The following INPP5D variants were observed in gnomAD, a reference collection of about 807,000 sequenced individuals.
INPP5D encodes the protein inositol polyphosphate-5-phosphatase D, also known as phosphatidylinositol 3,4,5-trisphosphate 5-phosphatase 1.
In INPP5D, 33 loss-of-function variants were observed where a neutral mutation model predicts 122.9. The observed-to-expected ratio is 0.27, with a 90% CI of 0.20 to 0.36. The LOEUF is 0.36. INPP5D is among the 10% of genes least tolerant of loss of function. The pLI is 1.00. For synonymous variants in INPP5D, 584 were observed against 576.2 expected (o/e 1.01, Z -0.19); for missense variants, 1,053 against 1,412.7 (o/e 0.75, Z 4.08).
At chr2:233,101,992 A>G (rs1361629930) in intron 2 of INPP5D, among the ~76,000 whole-genome samples, 4 of 151,920 alleles carry the variant, frequency 2.6e-5, no homozygotes, top group African/African-American at 9.7e-5. Flanking sequence ...CAGGTGCTGC[A>G]TGATGACCGT....
At chr2:233,126,020 AC>A in intron 4 of INPP5D, 101 bp downstream of exon 4, 3 of 1,180,774 alleles carry the variant, frequency 2.5e-6, no homozygotes, top group Non-Finnish European at 3.6e-6. Flanking sequence ...GGGCCTGGTG[AC>A]CAGAGGGAGA....
chr2:233,106,577 C>T (rs1692475200), intron 2 of INPP5D, among the ~76,000 whole-genome samples: 1 of 152,262 alleles, frequency 6.6e-6, no homozygotes, highest in Non-Finnish European at 1.5e-5. Flanking sequence ...CAAAGCCCTG[C>T]AGCAGGGAAG....
At position 233,078,856 on chromosome 2, in the gene INPP5D, T is replaced by A. The variant is rs1691596443; in HGVS notation, c.135-479T>A. On this transcript the variant is annotated intron_variant, in intron 1 of 26. Coordinates refer to ENST00000445964, the MANE Select transcript of INPP5D (RefSeq NM_001017915.3). The surrounding 1 kb of genome is among the most constrained non-coding windows in gnomAD (Gnocchi z 4.6). ...CGCCACCACGCCCAGCTAATTTTTG[T>A]ATTTTTAGTAGAGATGGGATTTCAC... is the stretch of plus-strand genomic sequence containing the variant. Among the ~76,000 whole-genome samples, 1 of 152,064 alleles carries A rather than the reference T, an allele frequency of 6.6e-6. No homozygotes were observed.
rs13007032 is a variant in INPP5D at position 233,177,146 on chromosome 2, A to C, written c.1990-119A>C. The stretch of plus-strand genomic sequence containing the variant: ...AAAGCCACCTACAGGGAAATTCTAT[A>C]AAAAGCCAACAGCCGATGAATTTGA... On this transcript the variant is annotated intron_variant, in intron 17 of 26. Coordinates refer to ENST00000445964, the MANE Select transcript of INPP5D (RefSeq NM_001017915.3). The surrounding 1 kb of genome is among the most constrained non-coding windows in gnomAD (Gnocchi z 4.2). 142,760 of 1,382,482 alleles carry C rather than the reference A, an allele frequency of 0.1. 8,804 individuals carry two copies. The highest frequency in any genetic ancestry group is 0.12 in the Non-Finnish European group (122,988 of 1,018,072). 85.6% of individuals were successfully genotyped at this position (1,382,482 alleles called of 1,614,324 possible). A position where few individuals can be genotyped will look rare whatever the true frequency, so the allele number is the denominator to read the frequency against.
intron 2 of INPP5D, among the ~76,000 whole-genome samples, chr2:233,109,704 G>A (rs1191729353): frequency 6.6e-6 from 1 of 150,744 alleles, no homozygotes; most frequent in Non-Finnish European, 1.5e-5. Context: ...TCAGCCTCCC[G>A]AGTAGCTGGG....
intron 2 of INPP5D, among the ~76,000 whole-genome samples, chr2:233,110,526 C>T (rs1214539193): frequency 6.6e-6 from 1 of 152,140 alleles, no homozygotes; most frequent in Non-Finnish European, 1.5e-5. Context: ...CCTCCCCCTG[C>T]TTTGTGTGTG....
intron 14 of INPP5D, 50 bp downstream of exon 14, chr2:233,169,451 G>T: frequency 6.4e-7 from 1 of 1,554,068 alleles, no homozygotes; most frequent in South Asian, 1.2e-5. Context: ...TGTCTGCCCA[G>T]ACACGCCTCA....
At chr2:233,200,961 AAAAT>A (rs150813540) in intron 25 of INPP5D, among the ~76,000 whole-genome samples, 5,448 of 141,802 alleles carry the variant, frequency 0.038, 123 homozygotes, top group South Asian at 0.057. Context: ...ACTCCATCTC[AAAAT>A]AAATAAATAA....
Position 233,160,059 on chromosome 2 carries a change from C to T in INPP5D, c.1137+1640C>T, listed in dbSNP as rs28669088. Among the ~76,000 whole-genome samples, 53,248 of 152,032 alleles carry T rather than the reference C, an allele frequency of 0.35. 11,543 individuals are homozygous for T. Among genetic ancestry groups the T allele is most frequent in the Non-Finnish European group, 0.49 (33,132 of 67,948 alleles). On this transcript the variant is annotated intron_variant, in intron 10 of 26. Coordinates refer to ENST00000445964, the MANE Select transcript of INPP5D (RefSeq NM_001017915.3). This position sits in a 1 kb window ranked among gnomAD's most constrained non-coding sequence, Gnocchi z 4.2. The stretch of plus-strand genomic sequence containing the variant: ...AAACACCAGCTCTGCCCCATTGCTG[C>T]GACCTCAAAAGGACTGAGGCACAGG...
At chr2:233,151,126 G>C (rs1693913060) in intron 9 of INPP5D, among the ~76,000 whole-genome samples, 1 of 152,122 alleles carries the variant, frequency 6.6e-6, no homozygotes, top group South Asian at 2.1e-4. Context: ...TCAGGGATGG[G>C]TGAAAGAGCT....
At chr2:233,115,547 C>G (rs547733782) in intron 2 of INPP5D, among the ~76,000 whole-genome samples, 1 of 152,208 alleles carries the variant, frequency 6.6e-6, no homozygotes, top group African/African-American at 2.4e-5. Flanking sequence ...TTTAAAGACC[C>G]GGGTGCCCTT....
intron 1 of INPP5D, among the ~76,000 whole-genome samples, chr2:233,065,649 T>G (rs1319775466): frequency 9.4e-5 from 2 of 21,218 alleles, no homozygotes; most frequent in African/African-American, 4.3e-4. Context: ...CTTTCTTTCT[T>G]TCTTTTTTTT....
At chr2:233,108,954 T>G (rs976186180) in intron 2 of INPP5D, among the ~76,000 whole-genome samples, 1 of 152,220 alleles carries the variant, frequency 6.6e-6, no homozygotes, top group African/African-American at 2.4e-5. Flanking sequence ...AGGCTTTGGT[T>G]TGTACCCAGA....
chr2:233,113,281 C>T (rs1041167273), intron 2 of INPP5D, among the ~76,000 whole-genome samples: 6 of 152,182 alleles, frequency 3.9e-5, no homozygotes, highest in Non-Finnish European at 7.3e-5. Flanking sequence ...TCCCCACTGG[C>T]TCTGCAGCCT....
intron 2 of INPP5D, among the ~76,000 whole-genome samples, chr2:233,117,081 C>T (rs911840003): frequency 6.6e-6 from 1 of 152,180 alleles, no homozygotes; most frequent in Non-Finnish European, 1.5e-5. Context: ...TGGGGGCCGC[C>T]GGTAACCATT....
chr2:233,200,616 G>C (rs1309680329), intron 25 of INPP5D, among the ~76,000 whole-genome samples: 2 of 152,324 alleles, frequency 1.3e-5, no homozygotes, highest in East Asian at 3.9e-4. Context: ...TCCTCTGGAT[G>C]GAGAAGCTGT....
chr2:233,103,646 T>TGC (rs1692379343), intron 2 of INPP5D, among the ~76,000 whole-genome samples: 1 of 151,684 alleles, frequency 6.6e-6, no homozygotes. Context: ...GTATCCTGGC[T>TGC]GCCTGCCGAG....
rs955955234 is a variant in INPP5D, at chr2:233,164,530, C to G, written c.1555+106C>G. 7.2e-6 allele frequency: 10 copies of G among 1,383,516 alleles called. No individual in the cohort carries two copies. In the Admixed American group the frequency reaches 1.8e-4, roughly 25 times the overall value. 85.7% of individuals were successfully genotyped at this position (1,383,516 alleles called of 1,614,324 possible). ...AGTTCCCCGGGTTAAAAACAGAGAG[C>G]CTCACATCCTCAGATCCTGGCTCAG... is the stretch of plus-strand genomic sequence containing the variant. On this transcript the variant is annotated intron_variant, in intron 13 of 26. Transcript: ENST00000445964. The surrounding 1 kb of genome is among the most constrained non-coding windows in gnomAD (Gnocchi z 4.3).
chr2:233,084,594 C>T (rs866272646), intron 2 of INPP5D, among the ~76,000 whole-genome samples: 8 of 152,314 alleles, frequency 5.3e-5, no homozygotes, highest in East Asian at 3.9e-4. Context: ...AAAGCTGTTC[C>T]GTCACAAGCA....
Sources: gnomAD v4.1 joint callset for allele counts (sites outside exome capture counted in the v4.1 genomes callset) on GRCh38, gnomAD v4.1.1 for gene constraint, Gnocchi (gnomAD v3.1) non-coding constraint, MANE v1.5 for transcripts, NCBI Gene and HGNC (gene_info 2026-07-23, HGNC 2026-07-21) for gene names.